Variants in CNTNAP5 observed in about 807,000 individuals in gnomAD.
CNTNAP5 encodes the protein contactin-associated protein-like 5.
Under a neutral mutation model 150.2 loss-of-function variants are expected in CNTNAP5, and 72 were observed. The observed-to-expected ratio is 0.48, with a 90% CI of 0.40 to 0.58. The LOEUF (loss-of-function observed/expected upper bound fraction) is 0.58, where lower values mean the gene tolerates loss of function less well. CNTNAP5 is among the 20% of genes least tolerant of loss of function. The pLI is 0.00. For synonymous variants in CNTNAP5, 672 were observed against 619.8 expected (o/e 1.08, Z -1.25); for missense variants, 1,636 against 1,626.2 (o/e 1.01, Z -0.10).
chr2:124,762,106 G>A (rs1680968412), intron 14 of CNTNAP5, among the ~76,000 whole-genome samples: 1 of 152,032 alleles, frequency 6.6e-6, no homozygotes, highest in South Asian at 2.1e-4. Context: ...AAAAGATACC[G>A]GAATGTGGAG....
chr2:124,042,578 T>C (rs1681403528), intron 1 of CNTNAP5, among the ~76,000 whole-genome samples: 1 of 152,162 alleles, frequency 6.6e-6, no homozygotes, highest in African/African-American at 2.4e-5. Context: ...ACTGCAAAGG[T>C]AAATTTTATA....
At chr2:124,157,147 C>G (rs41392945) in intron 1 of CNTNAP5, among the ~76,000 whole-genome samples, 16,186 of 149,350 alleles carry the variant, frequency 0.11, 990 homozygotes, top group Middle Eastern at 0.21. Flanking sequence ...GATTCTTAAC[C>G]TTATTCTTGG....
At chr2:124,778,725 C>T (rs1681380333) in intron 17 of CNTNAP5, 1 of 152,090 alleles carries the variant, frequency 6.6e-6, no homozygotes, top group Admixed American at 6.5e-5. Context: ...AATTATAAGC[C>T]TACCTAGGCG....
At chr2:124,911,432 G>A (rs897914547) in intron 22 of CNTNAP5, 35 bp from the exon 23 acceptor site, 1 of 1,506,424 alleles carries the variant, frequency 6.6e-7, no homozygotes, top group South Asian at 1.2e-5. Flanking sequence ...TGCTTTGAGT[G>A]AGAAGTAAAG....
intron 19 of CNTNAP5, among the ~76,000 whole-genome samples, chr2:124,830,628 GA>G (rs918997540): frequency 8.4e-4 from 128 of 152,010 alleles, no homozygotes; most frequent in Non-Finnish European, 1.6e-3. Flanking sequence ...AACAATATAG[GA>G]AATTTCCTGG....
At chr2:124,579,077 A>C (rs1295491803) in intron 11 of CNTNAP5, among the ~76,000 whole-genome samples, 1 of 152,172 alleles carries the variant, frequency 6.6e-6, no homozygotes, top group Non-Finnish European at 1.5e-5. Context: ...AGAAAATTTT[A>C]TGGTACATAT....
chr2:124,642,678 C>T (rs1182228531), intron 12 of CNTNAP5, among the ~76,000 whole-genome samples: 2 of 152,170 alleles, frequency 1.3e-5, no homozygotes, highest in Non-Finnish European at 2.9e-5. Context: ...CAGCCTCAGA[C>T]ATTTGTCATT....
intron 3 of CNTNAP5, among the ~76,000 whole-genome samples, chr2:124,337,911 A>G (rs909370199): frequency 1.2e-4 from 18 of 152,044 alleles, no homozygotes. Flanking sequence ...TTCTGTGAAG[A>G]AAGTCATTGG....
In CNTNAP5 at chr2:124,577,077, A is replaced by G. The variant is rs993505271; in HGVS notation, c.1756+13754A>G. Among the ~76,000 whole-genome samples the G allele has an allele frequency of 3.3e-5, 5 of 152,302 alleles. No individual in the cohort carries two copies. The East Asian group carries it at 7.7e-4, about 24-fold the overall frequency. ...ATCACTGTAGTTCTCCAGTAGCTAT[A>G]AGATTTATTTCTTTTAGGTAGTAAA... On this transcript the variant is annotated intron_variant, in intron 11 of 23. Transcript: ENST00000682447.
At chr2:124,475,715 C>T (rs529360535) in intron 7 of CNTNAP5, among the ~76,000 whole-genome samples, 2 of 152,104 alleles carry the variant, frequency 1.3e-5, no homozygotes, top group South Asian at 2.1e-4. Flanking sequence ...CTTGCTTTTC[C>T]TCTATAAAGG....
At chr2:124,079,815 G>T (rs1682520342) in intron 1 of CNTNAP5, among the ~76,000 whole-genome samples, 1 of 152,020 alleles carries the variant, frequency 6.6e-6, no homozygotes. Context: ...TGACAAATAG[G>T]TTCAAAATGC....
chr2:124,488,665 G>A (rs1424559934), intron 7 of CNTNAP5, among the ~76,000 whole-genome samples: 2 of 152,290 alleles, frequency 1.3e-5, no homozygotes, highest in African/African-American at 4.8e-5. Context: ...TTAATTTCCT[G>A]TAAAGAAGTG....
At chr2:124,772,726 C>A (rs1681230840) in intron 16 of CNTNAP5, 73 bp from the exon 17 acceptor site, 1 of 1,118,842 alleles carries the variant, frequency 8.9e-7, no homozygotes, top group African/African-American at 1.5e-5. Flanking sequence ...ACAATCGTTT[C>A]TCCCACTCAA....
At chr2:124,578,309 G>C (rs1410836323) in intron 11 of CNTNAP5, among the ~76,000 whole-genome samples, 1 of 144,830 alleles carries the variant, frequency 6.9e-6, no homozygotes. Flanking sequence ...CAGTCTGGGG[G>C]ACAAGAGCGA....
chr2:124,239,920 G>T (rs1184417817), intron 2 of CNTNAP5, among the ~76,000 whole-genome samples: 3 of 152,082 alleles, frequency 2.0e-5, no homozygotes, highest in Admixed American at 6.6e-5. Context: ...TGTACTCCTA[G>T]ATCTGGCATC....
intron 14 of CNTNAP5, among the ~76,000 whole-genome samples, chr2:124,751,996 A>G (rs1680737469): frequency 6.6e-6 from 1 of 152,198 alleles, no homozygotes; most frequent in Admixed American, 6.5e-5. Context: ...TAAGGGGCAG[A>G]GTAGGCATTT....
At chr2:124,059,431 T>A (rs1573724450) in intron 1 of CNTNAP5, among the ~76,000 whole-genome samples, 1 of 152,180 alleles carries the variant, frequency 6.6e-6, no homozygotes, top group Non-Finnish European at 1.5e-5. Flanking sequence ...AAATGCTGAA[T>A]GGGCTCAGCA....
intron 3 of CNTNAP5, among the ~76,000 whole-genome samples, chr2:124,304,869 C>T (rs138589780): frequency 1.1e-4 from 17 of 152,126 alleles, no homozygotes; most frequent in East Asian, 1.9e-4. Flanking sequence ...CACTTGGGTT[C>T]GCGGAGGGAA....
intron 13 of CNTNAP5, among the ~76,000 whole-genome samples, chr2:124,731,653 A>T (rs931671498): frequency 9.9e-5 from 15 of 152,156 alleles, no homozygotes; most frequent in African/African-American, 3.6e-4. Context: ...GAAAAAAGAA[A>T]TAAGAAAGAG....
Sources: allele counts gnomAD v4.1 joint callset (sites outside exome capture counted in the v4.1 genomes callset), GRCh38; gene constraint gnomAD v4.1.1; transcripts MANE v1.5; gene names NCBI Gene and HGNC (gene_info 2026-07-23, HGNC 2026-07-21).